Variants in ZNF644 observed in about 807,000 individuals in gnomAD.
ZNF644 encodes zinc finger protein 644.
Under a neutral mutation model 108.0 loss-of-function variants are expected in ZNF644, and 20 were observed. The observed-to-expected ratio is 0.19, with a 90% CI of 0.13 to 0.27. The LOEUF is 0.27. ZNF644 is among the 10% of genes least tolerant of loss of function. The probability of loss-of-function intolerance (pLI) is 1.00; values close to 1 mark genes in which losing one functional copy is unlikely to be tolerated. For synonymous variants in ZNF644, 542 were observed against 539.1 expected (o/e 1.01, Z -0.08); for missense variants, 1,338 against 1,548.9 (o/e 0.86, Z 2.29).
At chr1:90,945,714 A>G (rs1244560388) in intron 2 of ZNF644, among the ~76,000 whole-genome samples, 1 of 152,074 alleles carries the variant, frequency 6.6e-6, no homozygotes, top group East Asian at 1.9e-4. Flanking sequence ...CTGTCATCAA[A>G]TCTATGCTGT....
rs1395926278 is a variant in ZNF644 at position 90,941,130 on chromosome 1, G to A, written c.224C>T (p.Pro75Leu). ...AGATTTGTCCTTTGACAGTTCTTCA[G>A]GCAGAGTCAACGTATTATTTTTCTG... The part of the protein sequence containing the change: ...SFQKNNTLTL[P>L]EELSKDKSEN... Residue 75 changes from proline (P) to leucine (L), a missense_variant, in exon 3 of 6, where the codon CCT becomes CTT. Around this residue, in one of 6 missense-constraint regions of ZNF644, gnomAD observed 464 missense variants for 457.9 expected, o/e 1.01. Coordinates refer to ENST00000337393, the MANE Select transcript of ZNF644 (RefSeq NM_201269.3). 6.2e-7 allele frequency: 1 copy of A among 1,614,008 alleles called. No homozygotes were observed. Among genetic ancestry groups the A allele is most frequent in the Non-Finnish European group, 8.5e-7 (1 of 1,179,932 alleles).
chr1:90,956,801 A>G (rs1330257262), intron 2 of ZNF644, among the ~76,000 whole-genome samples: 1 of 152,144 alleles, frequency 6.6e-6, no homozygotes, highest in East Asian at 1.9e-4. Flanking sequence ...AGCCTGGACA[A>G]CAGACTCTGT....
Position 90,940,267 on chromosome 1 carries a change from G to A in ZNF644, c.1087C>T (p.Leu363=). 1 of 1,613,976 alleles carries A rather than the reference G, an allele frequency of 6.2e-7. No homozygotes were observed. Among genetic ancestry groups the A allele is most frequent in the East Asian group, 2.2e-5 (1 of 44,858 alleles). ...DLESVDAFQH[L]IYNPDKCGEE... The stretch of plus-strand genomic sequence containing the variant: ...CCACACTTATCTGGGTTATAAATTA[G>A]ATGTTGGAAGGCATCCACAGATTCT... The change falls in exon 3 of 6, where the codon CTA becomes TTA. Residue 363 remains leucine, a synonymous_variant. Transcript: ENST00000337393.
intron 2 of ZNF644, among the ~76,000 whole-genome samples, chr1:90,960,584 A>C (rs1654237337): frequency 6.6e-6 from 1 of 152,176 alleles, no homozygotes; most frequent in Non-Finnish European, 1.5e-5. Flanking sequence ...CTCTGTTTAA[A>C]GAAAGCCAAT....
At chr1:91,012,081 A>C (rs1201217499) in intron 1 of ZNF644, among the ~76,000 whole-genome samples, 2 of 152,176 alleles carry the variant, frequency 1.3e-5, no homozygotes. Context: ...ATGAACACTA[A>C]GAAGCACCTC....
At chr1:91,003,183 A>C (rs978779069) in intron 1 of ZNF644, among the ~76,000 whole-genome samples, 17 of 145,568 alleles carry the variant, frequency 1.2e-4, no homozygotes, top group African/African-American at 3.2e-4. Context: ...ATTACTGGGT[A>C]TATACCCAAA....
chr1:90,975,778 T>C (rs1022600339), intron 2 of ZNF644, among the ~76,000 whole-genome samples: 2 of 152,236 alleles, frequency 1.3e-5, no homozygotes, highest in East Asian at 3.9e-4. Context: ...CTCAAAAGAA[T>C]AGTAAATCAG....
chr1:90,964,145 T>C (rs1025012780), intron 2 of ZNF644, among the ~76,000 whole-genome samples: 5 of 152,166 alleles, frequency 3.3e-5, no homozygotes, highest in Non-Finnish European at 7.4e-5. Flanking sequence ...TGCTTGATTT[T>C]TCAATATGCT....
rs372475475 is a variant in ZNF644 at position 91,019,681 on chromosome 1, C to T, written c.-18+2309G>A. Among the ~76,000 whole-genome samples the T allele has an allele frequency of 1.3e-4, 20 of 152,290 alleles. 1 individual carries two copies. The South Asian group carries it at 3.7e-3, about 28-fold the overall frequency. On this transcript the variant is annotated intron_variant, in intron 1 of 5. Coordinates refer to ENST00000337393, the MANE Select transcript of ZNF644 (RefSeq NM_201269.3). ...TGCCTTCCGGGTTCAAGTGATTCTCCTGCCTCAGCCTCCCGAGTAGGTGGG... is the reference window on the plus strand; with the variant it reads ...TGCCTTCCGGGTTCAAGTGATTCTCTTGCCTCAGCCTCCCGAGTAGGTGGG...
intron 4 of ZNF644, 105 bp from the exon 5 acceptor site, chr1:90,918,259 A>G: frequency 1.1e-6 from 1 of 903,144 alleles, no homozygotes; most frequent in Non-Finnish European, 1.8e-6. Context: ...ATCAGTTAGA[A>G]AAAGTCCGCA....
chr1:91,018,021 G>A (rs1660580301), intron 1 of ZNF644, among the ~76,000 whole-genome samples: 1 of 152,054 alleles, frequency 6.6e-6, no homozygotes, highest in African/African-American at 2.4e-5. Flanking sequence ...TGGCAGATCT[G>A]CAAAAAAAAT....
chr1:90,974,396 T>C (rs989359811), intron 2 of ZNF644, among the ~76,000 whole-genome samples: 6 of 152,126 alleles, frequency 3.9e-5, no homozygotes, highest in Non-Finnish European at 8.8e-5. Context: ...GAGTTATAGA[T>C]AGGTCTCATA....
At chr1:90,984,359 A>C (rs1656871955) in intron 1 of ZNF644, among the ~76,000 whole-genome samples, 1 of 152,126 alleles carries the variant, frequency 6.6e-6, no homozygotes, top group Non-Finnish European at 1.5e-5. Flanking sequence ...ACAGAAATTT[A>C]TATTAGAGCG....
At chr1:90,943,493 T>C (rs1318239640) in intron 2 of ZNF644, among the ~76,000 whole-genome samples, 3 of 152,218 alleles carry the variant, frequency 2.0e-5, no homozygotes, top group South Asian at 2.1e-4. Context: ...TTTCTTATTT[T>C]ATAACTTAGA....
At position 90,939,691 on chromosome 1, in the gene ZNF644, G is replaced by A. The variant is rs1651753454; in HGVS notation, c.1663C>T (p.Pro555Ser). ...GIAHGAVVKC[P>S]MVTSDIAQRK... ...TGGGCAATATCAGAAGTGACCATAG[G>A]GCATTTTACCACTGCCCCATGTGCA... is the stretch of plus-strand genomic sequence containing the variant. The change falls in exon 3 of 6, where the codon CCT becomes TCT. Residue 555 changes from proline (P) to serine (S), a missense_variant. Pro to Ser is a moderately conservative substitution (Grantham distance 74). Transcript: ENST00000337393. The A allele has an allele frequency of 6.2e-7, 1 of 1,613,878 alleles. No individual in the cohort carries two copies. The highest frequency in any genetic ancestry group is 1.3e-5 in the African/African-American group (1 of 74,984).
chr1:90,952,968 C>A, intron 2 of ZNF644, among the ~76,000 whole-genome samples: 1 of 139,976 alleles, frequency 7.1e-6, no homozygotes, highest in Non-Finnish European at 1.5e-5. Context: ...TAAAAGCAGC[C>A]ACAGAAAAAA....
intron 1 of ZNF644, among the ~76,000 whole-genome samples, chr1:91,002,005 A>T (rs1658886502): frequency 6.6e-6 from 1 of 152,228 alleles, no homozygotes; most frequent in Non-Finnish European, 1.5e-5. Flanking sequence ...AGAACTACAA[A>T]CCATTGCTCA....
intron 4 of ZNF644, 131 bp downstream of exon 4, chr1:90,937,354 G>T: frequency 8.0e-7 from 1 of 1,242,450 alleles, no homozygotes; most frequent in Non-Finnish European, 1.2e-6. Flanking sequence ...ACCAATCTGT[G>T]CTCTGTAAAA....
chr1:90,944,633 C>G (rs1480008675), intron 2 of ZNF644, among the ~76,000 whole-genome samples: 2 of 151,532 alleles, frequency 1.3e-5, no homozygotes, highest in Non-Finnish European at 2.9e-5. Context: ...TTAGATACAA[C>G]CTTCCTGTCA....
Sources: gnomAD v4.1 joint callset for allele counts (sites outside exome capture counted in the v4.1 genomes callset) on GRCh38, gnomAD v4.1.1 for gene constraint, gnomAD v4.1.1 regional missense constraint, MANE v1.5 for transcripts, NCBI Gene and HGNC (gene_info 2026-07-23, HGNC 2026-07-21) for gene names.